CDKAL1: variants seen among roughly 807,000 people sequenced by gnomAD.
The protein encoded by CDKAL1 is threonylcarbamoyladenosine tRNA methylthiotransferase.
CDKAL1 carries 32 observed loss-of-function variants against 68.2 expected under a neutral mutation model. That is an observed-to-expected ratio of 0.47 (90% CI 0.35 to 0.63). The LOEUF (loss-of-function observed/expected upper bound fraction) is 0.63. Ranked by LOEUF, CDKAL1 falls within the 30% of genes least tolerant of loss-of-function variation. The probability of loss-of-function intolerance (pLI) is 0.00; values close to 1 mark genes in which losing one functional copy is unlikely to be tolerated. For missense variants in CDKAL1, 606 were observed against 696.7 expected (o/e 0.87, Z 1.47); for synonymous variants, 234 against 244.3 (o/e 0.96, Z 0.39).
chr6:20,820,347 GC>G, intron 8 of CDKAL1, among the ~76,000 whole-genome samples: 1 of 152,232 alleles, frequency 6.6e-6, no homozygotes, highest in East Asian at 1.9e-4. Context: ...ACTGTTTGAG[GC>G]CTTTTCTGAG....
chr6:20,719,250 A>G (rs958062867), intron 5 of CDKAL1, among the ~76,000 whole-genome samples: 7 of 152,228 alleles, frequency 4.6e-5, no homozygotes, highest in Admixed American at 3.9e-4. Flanking sequence ...CAGTCTTCTC[A>G]ATGGTTTTAA....
chr6:20,675,607 T>G (rs751675895), intron 5 of CDKAL1, among the ~76,000 whole-genome samples: 4 of 152,218 alleles, frequency 2.6e-5, no homozygotes, highest in Non-Finnish European at 4.4e-5. Context: ...AATGCATTAC[T>G]GAAGTGTTTC....
chr6:20,808,479 G>A (rs543547485), intron 8 of CDKAL1, among the ~76,000 whole-genome samples: 5 of 152,256 alleles, frequency 3.3e-5, no homozygotes, highest in Non-Finnish European at 7.4e-5. Flanking sequence ...TGCAAAGGGG[G>A]TTGATGGAAA....
At chr6:20,676,284 A>T (rs1770091982) in intron 5 of CDKAL1, among the ~76,000 whole-genome samples, 1 of 152,126 alleles carries the variant, frequency 6.6e-6, no homozygotes, top group Admixed American at 6.5e-5. Flanking sequence ...AGGCCTTCAC[A>T]TTCACTCAAC....
At chr6:20,733,695 A>G (rs533537148) in intron 5 of CDKAL1, among the ~76,000 whole-genome samples, 39 of 152,322 alleles carry the variant, frequency 2.6e-4, no homozygotes, top group Middle Eastern at 3.4e-3. Flanking sequence ...TGGAATCTGG[A>G]GATCTTGGGT....
intron 12 of CDKAL1, among the ~76,000 whole-genome samples, chr6:21,096,847 G>C (rs1773343661): frequency 6.6e-6 from 1 of 152,198 alleles, no homozygotes; most frequent in African/African-American, 2.4e-5. Flanking sequence ...GCTAGGTTTT[G>C]AGGATGGGAC....
intron 12 of CDKAL1, among the ~76,000 whole-genome samples, chr6:21,092,090 G>T (rs1477494399): frequency 6.6e-6 from 1 of 150,854 alleles, no homozygotes; most frequent in Admixed American, 6.6e-5. Context: ...GTTTCACCAT[G>T]TTAGCCAGGA....
In CDKAL1 at chr6:20,974,546, T is replaced by A. The variant is rs576392371; in HGVS notation, c.909+18961T>A. 7.2e-5 allele frequency among the ~76,000 whole-genome samples: 11 copies of A among 152,330 alleles called. No homozygotes were observed. The South Asian group carries it at 2.3e-3, about 32-fold the overall frequency. ...CTTTATTCTCAGGCTCACTTTAATA[T>A]TTGAGAAATCAGAGTTATGCTCTAC... On this transcript the variant is annotated intron_variant, in intron 10 of 15. Coordinates refer to ENST00000274695, the MANE Select transcript of CDKAL1 (RefSeq NM_017774.3).
At chr6:20,609,237 T>TTCC (rs1554162579) in intron 4 of CDKAL1, among the ~76,000 whole-genome samples, 2 of 116,604 alleles carry the variant, frequency 1.7e-5, no homozygotes, top group Non-Finnish European at 3.6e-5. Flanking sequence ...TTCTTCCTTC[T>TTCC]TCCTTCCTTC....
intron 10 of CDKAL1, among the ~76,000 whole-genome samples, chr6:20,989,542 T>C (rs1364671091): frequency 6.6e-6 from 1 of 152,218 alleles, no homozygotes; most frequent in Non-Finnish European, 1.5e-5. Flanking sequence ...TCCTCAATTA[T>C]GTATATCATA....
chr6:21,111,978 G>C lies in CDKAL1; in HGVS notation c.1299+3515G>C, dbSNP rs530181528. Reference sequence around the variant, plus strand: ...AATAAACAGGTAATGAACATAACTTGTATTATAGTTTCTGAAACACCATAC... The same window carrying C: ...AATAAACAGGTAATGAACATAACTTCTATTATAGTTTCTGAAACACCATAC... On this transcript the variant is annotated intron_variant, in intron 13 of 15. Coordinates refer to ENST00000274695, the MANE Select transcript of CDKAL1 (RefSeq NM_017774.3). Among the ~76,000 whole-genome samples, 6 of 152,068 alleles carry C rather than the reference G, an allele frequency of 3.9e-5. No homozygotes were observed. In the South Asian group the frequency reaches 1.0e-3, roughly 26 times the overall value.
intron 11 of CDKAL1, among the ~76,000 whole-genome samples, chr6:21,060,975 T>C (rs1165291487): frequency 6.6e-6 from 1 of 152,164 alleles, no homozygotes; most frequent in Non-Finnish European, 1.5e-5. Flanking sequence ...AGGAATGAAG[T>C]AGAATTATTA....
At position 20,942,865 on chromosome 6, in the gene CDKAL1, GA is replaced by G. The variant is rs574054793; in HGVS notation, c.743-12552del. Among the ~76,000 whole-genome samples the G allele has an allele frequency of 2.4e-4, 35 of 145,678 alleles. 1 individual carries two copies. The South Asian group carries it at 7.2e-3, about 30-fold the overall frequency. ...AGCTACTTGGGAGGCTGAGGCAGGAGAATCGCTTGAACCAGGAAGTCAGAGG... is the reference window on the plus strand; with the variant it reads ...AGCTACTTGGGAGGCTGAGGCAGGAGATCGCTTGAACCAGGAAGTCAGAGG... On this transcript the variant is annotated intron_variant, in intron 9 of 15. Transcript: ENST00000274695.
chr6:20,663,147 C>T (rs922609944), intron 5 of CDKAL1, among the ~76,000 whole-genome samples: 3 of 152,064 alleles, frequency 2.0e-5, no homozygotes, highest in South Asian at 2.1e-4. Context: ...TAGGAAGTCC[C>T]GCTCAAAACC....
intron 9 of CDKAL1, among the ~76,000 whole-genome samples, chr6:20,887,953 A>AT (rs397787899): frequency 1.7e-4 from 26 of 149,450 alleles, no homozygotes; most frequent in South Asian, 6.4e-4. Context: ...TAAAAAAAAA[A>AT]TTTTTTTTGG....
At chr6:20,955,646 C>G in intron 10 of CDKAL1, 61 bp downstream of exon 10, 1 of 1,446,880 alleles carries the variant, frequency 6.9e-7, no homozygotes, top group African/African-American at 1.4e-5. Flanking sequence ...GACAGTGTGG[C>G]AGCCTCAGTA....
chr6:20,592,400 A>G (rs1029147014), intron 4 of CDKAL1, among the ~76,000 whole-genome samples: 7 of 150,450 alleles, frequency 4.7e-5, no homozygotes, highest in African/African-American at 9.8e-5. Context: ...CTATGTTACT[A>G]TGTTGAATAG....
At chr6:21,029,615 G>C (rs1246648745) in intron 11 of CDKAL1, among the ~76,000 whole-genome samples, 1 of 151,900 alleles carries the variant, frequency 6.6e-6, no homozygotes, top group African/African-American at 2.4e-5. Context: ...AATCTACAAG[G>C]AATTTAAACA....
chr6:20,690,645 T>A (rs563893569), intron 5 of CDKAL1, among the ~76,000 whole-genome samples: 166 of 152,256 alleles, frequency 1.1e-3, no homozygotes, highest in Middle Eastern at 3.4e-3. Flanking sequence ...GAATTTTTTT[T>A]ATATTTTTTT....
Sources: gnomAD v4.1 joint callset for allele counts (sites outside exome capture counted in the v4.1 genomes callset) on GRCh38, gnomAD v4.1.1 for gene constraint, MANE v1.5 for transcripts, NCBI Gene and HGNC (gene_info 2026-07-23, HGNC 2026-07-21) for gene names.